STX2: variants seen among roughly 807,000 people sequenced by gnomAD.
STX2 encodes the protein syntaxin-2.
STX2 carries 27 observed loss-of-function variants against 40.6 expected under a neutral mutation model. The observed-to-expected ratio is 0.66, with a 90% CI of 0.49 to 0.92. The LOEUF is 0.92. Among genes scored for constraint, STX2 ranks in the 40% least tolerant of loss-of-function variants. The probability of loss-of-function intolerance (pLI) is 0.00; values close to 1 mark genes in which losing one functional copy is unlikely to be tolerated. For synonymous variants in STX2, 123 were observed against 119.1 expected, an observed-to-expected ratio of 1.03 and a Z score of -0.22; for missense variants, 328 against 366.1, an observed-to-expected ratio of 0.90 and a Z score of 0.85.
Position 130,839,195 on chromosome 12 carries a change from G to A in STX2, c.-96C>T, listed in dbSNP as rs1297990531. 3.8e-6 allele frequency: 4 copies of A among 1,061,084 alleles called. No homozygotes were observed. The highest frequency in any genetic ancestry group is 1.7e-5 in the African/African-American group (1 of 59,128). 65.7% of individuals were successfully genotyped at this position (1,061,084 alleles called of 1,614,324 possible). A position where few individuals can be genotyped will look rare whatever the true frequency, so the allele number is the denominator to read the frequency against. ...CTCCGGTCTCCGCCTCAGGCCCCGC[G>A]GTCCCGGCCCGGCGCCAGCAGCCCT... On this transcript the variant is annotated 5_prime_UTR_variant, in exon 1 of 11. Transcript: ENST00000392373.
rs192712362 is a variant in STX2 at position 130,837,627 on chromosome 12, G to C, written c.30+1443C>G. Among the ~76,000 whole-genome samples the C allele has an allele frequency of 6.9e-4, 105 of 152,172 alleles. 3 individuals are homozygous for C. In the East Asian group the frequency reaches 0.017, roughly 25 times the overall value. On this transcript the variant is annotated intron_variant, in intron 1 of 10. Transcript: ENST00000392373. Reference sequence around the variant, plus strand: ...TTTTTTCGAGAAACAGTGTCTCCCTGTGTTGCCCAAGCTGGTCTCCAATAC... The same window carrying C: ...TTTTTTCGAGAAACAGTGTCTCCCTCTGTTGCCCAAGCTGGTCTCCAATAC...
intron 3 of STX2, among the ~76,000 whole-genome samples, chr12:130,815,828 T>C (rs1042843915): frequency 5.9e-5 from 9 of 152,234 alleles, no homozygotes; most frequent in South Asian, 4.1e-4. Context: ...TACTTCAATA[T>C]GTAAGTTACT....
chr12:130,830,408 G>C (rs529056711), intron 1 of STX2, among the ~76,000 whole-genome samples: 4 of 152,048 alleles, frequency 2.6e-5, no homozygotes, highest in Non-Finnish European at 5.9e-5. Context: ...CATGCTGCGC[G>C]ATGCACCCCC....
rs376209744 is a variant in STX2, at chr12:130,821,699, G to A, written c.195C>T (p.Asn65=). ...AAACCAACAACTTACTTCCTTCCGGGTTTGGTGCAGAAAGAATGATGCTGT... is the reference window on the plus strand; with the variant it reads ...AAACCAACAACTTACTTCCTTCCGGATTTGGTGCAGAAAGAATGATGCTGT... ...KNHSIILSAP[N]PEGKIKEELE... is the part of the protein sequence containing the mutation. Residue 65 remains asparagine (N), a synonymous_variant, in exon 3 of 11, where the codon AAC becomes AAT. Coordinates refer to ENST00000392373, the MANE Select transcript of STX2 (RefSeq NM_194356.4). 3 of 1,613,428 alleles carry A rather than the reference G, an allele frequency of 1.9e-6. No individual in the cohort carries two copies. The highest frequency in any genetic ancestry group is 2.7e-5 in the African/African-American group (2 of 74,916).
rs1950847324 is a variant in STX2 at position 130,790,381 on chromosome 12, A to G, written c.*1642T>C. On this transcript the variant is annotated 3_prime_UTR_variant, in exon 11 of 11. Transcript: ENST00000392373. ...ATGGTGTTAAAAGTCACATGCTTAC[A>G]CTACTACATACAGGAGTAACAAGAG... 6.6e-6 allele frequency: 1 copy of G among 152,218 alleles called. No homozygotes were observed. Among genetic ancestry groups the G allele is most frequent in the African/African-American group, 2.4e-5 (1 of 41,462 alleles). 9.4% of individuals were successfully genotyped at this position (152,218 alleles called of 1,614,324 possible). A position where few individuals can be genotyped will look rare whatever the true frequency, so the allele number is the denominator to read the frequency against.
chr12:130,827,586 G>A (rs1952370735), intron 1 of STX2, among the ~76,000 whole-genome samples: 2 of 152,230 alleles, frequency 1.3e-5, no homozygotes, highest in East Asian at 1.9e-4. Flanking sequence ...CCCTCAAGAA[G>A]TGAAACTGCT....
chr12:130,816,490 A>C (rs1370375947), intron 3 of STX2, among the ~76,000 whole-genome samples: 1 of 152,204 alleles, frequency 6.6e-6, no homozygotes, highest in African/African-American at 2.4e-5. Flanking sequence ...GACGCAGGCC[A>C]TAAGGTCACA....
chr12:130,829,876 G>A (rs994230705), intron 1 of STX2, among the ~76,000 whole-genome samples: 12 of 152,156 alleles, frequency 7.9e-5, no homozygotes, highest in East Asian at 1.9e-4. Context: ...AGCTGCAGAC[G>A]GCCCTTGTGG....
intron 1 of STX2, among the ~76,000 whole-genome samples, chr12:130,834,772 A>G (rs948000404): frequency 2.6e-5 from 4 of 152,246 alleles, no homozygotes; most frequent in Admixed American, 6.5e-5. Context: ...GCAGGATTGC[A>G]TAAGTTATGA....
chr12:130,824,716 T>C (rs941646406), intron 2 of STX2, among the ~76,000 whole-genome samples: 2 of 152,204 alleles, frequency 1.3e-5, no homozygotes, highest in Non-Finnish European at 2.9e-5. Flanking sequence ...ACACTCACCA[T>C]GTGAAATTCA....
At chr12:130,832,509 C>G (rs1430651426) in intron 1 of STX2, among the ~76,000 whole-genome samples, 5 of 152,104 alleles carry the variant, frequency 3.3e-5, no homozygotes, top group Admixed American at 2.6e-4. Flanking sequence ...AAAGCACTTG[C>G]AATAAATTGG....
chr12:130,794,027 C>T (rs1299703430), intron 10 of STX2, among the ~76,000 whole-genome samples: 1 of 152,144 alleles, frequency 6.6e-6, no homozygotes, highest in Admixed American at 6.5e-5. Context: ...CTGAGAGGAG[C>T]CTTCTTTTAG....
intron 5 of STX2, 34 bp from the exon 6 acceptor site, chr12:130,807,124 G>T: frequency 6.3e-7 from 1 of 1,594,684 alleles, no homozygotes; most frequent in Non-Finnish European, 8.6e-7. Flanking sequence ...TCGTATCTGA[G>T]GGCCATGCCT....
intron 6 of STX2, 124 bp from the exon 7 acceptor site, chr12:130,801,612 T>C: frequency 9.5e-7 from 1 of 1,051,224 alleles, no homozygotes; most frequent in Non-Finnish European, 1.3e-6. Context: ...TTTTTTAACC[T>C]TTTCTTAAGC....
chr12:130,803,925 C>T (rs941489622), intron 6 of STX2, among the ~76,000 whole-genome samples: 1 of 152,214 alleles, frequency 6.6e-6, no homozygotes, highest in Admixed American at 6.5e-5. Flanking sequence ...TATTTATAAT[C>T]TTAACTCCTC....
chr12:130,806,036 G>A (rs1951419877), intron 6 of STX2, among the ~76,000 whole-genome samples: 1 of 152,172 alleles, frequency 6.6e-6, no homozygotes, highest in Non-Finnish European at 1.5e-5. Context: ...CAGTGTCTCC[G>A]ATGAAACATA....
At chr12:130,820,801 C>T (rs935467679) in intron 3 of STX2, among the ~76,000 whole-genome samples, 4 of 152,188 alleles carry the variant, frequency 2.6e-5, no homozygotes, top group African/African-American at 9.6e-5. Context: ...ACCGCACAGA[C>T]CGGCATTAAA....
At chr12:130,795,874 G>A in intron 10 of STX2, 121 bp downstream of exon 10, 5 of 1,203,208 alleles carry the variant, frequency 4.2e-6, no homozygotes, top group Non-Finnish European at 5.6e-6. Context: ...TCACTAGATG[G>A]CATTATCTGT....
chr12:130,798,413 T>A lies in STX2; in HGVS notation c.786+112A>T, dbSNP rs1593116216. On this transcript the variant is annotated intron_variant, in intron 9 of 10. Coordinates refer to ENST00000392373, the MANE Select transcript of STX2 (RefSeq NM_194356.4). The stretch of plus-strand genomic sequence containing the variant: ...TATTTCCATTTTAAAATAAAACATT[T>A]ATTAATTAATTATTTCTTGGAATAC... 6.8e-6 allele frequency: 4 copies of A among 592,152 alleles called. No individual in the cohort carries two copies. The South Asian group carries it at 1.2e-4, about 18-fold the overall frequency. 36.7% of individuals were successfully genotyped at this position (592,152 alleles called of 1,614,324 possible). A position where few individuals can be genotyped will look rare whatever the true frequency, so the allele number is the denominator to read the frequency against.
Sources: gnomAD v4.1 joint callset for allele counts (sites outside exome capture counted in the v4.1 genomes callset) on GRCh38, gnomAD v4.1.1 for gene constraint, MANE v1.5 for transcripts, NCBI Gene and HGNC (gene_info 2026-07-23, HGNC 2026-07-21) for gene names.